Variants in DPP10 observed in about 807,000 individuals in gnomAD.
The protein encoded by DPP10 is inactive dipeptidyl peptidase 10.
Under a neutral mutation model 120.9 loss-of-function variants are expected in DPP10, and 33 were observed. The observed-to-expected ratio is 0.27, with a 90% CI of 0.21 to 0.37. The LOEUF is 0.37. Among genes scored for constraint, DPP10 ranks in the 10% least tolerant of loss-of-function variants. The probability of loss-of-function intolerance (pLI) is 1.00; values close to 1 mark genes in which losing one functional copy is unlikely to be tolerated. For missense variants in DPP10, 816 were observed against 942.8 expected, an observed-to-expected ratio of 0.87 and a Z score of 1.76; for synonymous variants, 337 against 326.1, an observed-to-expected ratio of 1.03 and a Z score of -0.36.
At chr2:115,030,988 G>T (rs1235897877) in intron 1 of DPP10, among the ~76,000 whole-genome samples, 1 of 152,018 alleles carries the variant, frequency 6.6e-6, no homozygotes, top group Non-Finnish European at 1.5e-5. Flanking sequence ...ACACAATTCT[G>T]GGAATTTCAT....
intron 3 of DPP10, among the ~76,000 whole-genome samples, chr2:115,464,687 G>A (rs1052804854): frequency 2.0e-5 from 3 of 152,128 alleles, no homozygotes; most frequent in Non-Finnish European, 4.4e-5. Context: ...CAGGGCAGAG[G>A]GCTTGGAGAG....
intron 1 of DPP10, among the ~76,000 whole-genome samples, chr2:114,840,824 T>C (rs1481815203): frequency 6.6e-6 from 1 of 152,180 alleles, no homozygotes; most frequent in African/African-American, 2.4e-5. Flanking sequence ...GACTGTGATT[T>C]TCCCTGAACC....
chr2:115,521,160 A>G (rs1340201130), intron 4 of DPP10, among the ~76,000 whole-genome samples: 2 of 152,192 alleles, frequency 1.3e-5, no homozygotes, highest in Admixed American at 6.5e-5. Flanking sequence ...GAACAAAGGT[A>G]CAAGAAAAAG....
chr2:115,079,224 C>T (rs1708053925), intron 1 of DPP10, among the ~76,000 whole-genome samples: 1 of 152,072 alleles, frequency 6.6e-6, no homozygotes, highest in Non-Finnish European at 1.5e-5. Flanking sequence ...ACTAAAAACA[C>T]AAAACATTAG....
intron 1 of DPP10, among the ~76,000 whole-genome samples, chr2:115,265,788 A>C (rs2059435110): frequency 6.6e-6 from 1 of 152,230 alleles, no homozygotes; most frequent in Non-Finnish European, 1.5e-5. Context: ...TGAAGTGTTT[A>C]GAAAAAGGGG....
intron 3 of DPP10, among the ~76,000 whole-genome samples, chr2:115,439,892 T>C (rs2071866803): frequency 6.6e-6 from 1 of 152,156 alleles, no homozygotes; most frequent in African/African-American, 2.4e-5. Flanking sequence ...TTTTAGACCA[T>C]ATTAAAAATT....
chr2:115,494,656 T>C (rs1367175544), intron 3 of DPP10, among the ~76,000 whole-genome samples: 1 of 152,172 alleles, frequency 6.6e-6, no homozygotes, highest in Admixed American at 6.6e-5. Context: ...TTTGAGCATT[T>C]CCTGTGATAG....
At chr2:115,524,604 A>G (rs1046878543) in intron 4 of DPP10, among the ~76,000 whole-genome samples, 1 of 152,062 alleles carries the variant, frequency 6.6e-6, no homozygotes, top group Non-Finnish European at 1.5e-5. Flanking sequence ...CTGAACTCTG[A>G]TCTCCAGCTC....
intron 1 of DPP10, among the ~76,000 whole-genome samples, chr2:114,740,484 G>A (rs1677933193): frequency 6.8e-6 from 1 of 146,446 alleles, no homozygotes; most frequent in South Asian, 2.2e-4. Context: ...TTGTGCACAT[G>A]TACCCTAAAA....
chr2:115,172,333 C>G (rs1002698329), intron 1 of DPP10, among the ~76,000 whole-genome samples: 2 of 149,944 alleles, frequency 1.3e-5, no homozygotes, highest in Non-Finnish European at 3.0e-5. Context: ...GCAGTGAGCC[C>G]AGATCGCGCC....
At chr2:115,372,836 T>C (rs2106408962) in intron 3 of DPP10, among the ~76,000 whole-genome samples, 1 of 152,336 alleles carries the variant, frequency 6.6e-6, no homozygotes, top group South Asian at 2.1e-4. Context: ...TGTACTGGAA[T>C]CTTAGCCTAG....
At chr2:115,140,588 C>T (rs2050877094) in intron 1 of DPP10, among the ~76,000 whole-genome samples, 1 of 152,150 alleles carries the variant, frequency 6.6e-6, no homozygotes, top group Admixed American at 6.5e-5. Flanking sequence ...AGAAGGAAGA[C>T]AACAACAAGC....
At chr2:115,207,818 A>T (rs1458999048) in intron 1 of DPP10, among the ~76,000 whole-genome samples, 1 of 152,140 alleles carries the variant, frequency 6.6e-6, no homozygotes, top group African/African-American at 2.4e-5. Context: ...CGAAGATCAG[A>T]TTTGTGTTCT....
chr2:115,804,878 A>G (rs1444420052), intron 19 of DPP10, among the ~76,000 whole-genome samples: 1 of 152,226 alleles, frequency 6.6e-6, no homozygotes, highest in Non-Finnish European at 1.5e-5. Context: ...CTCGGGGGTC[A>G]GGGACCCACT....
intron 1 of DPP10, among the ~76,000 whole-genome samples, chr2:115,206,280 C>T (rs962743854): frequency 1.3e-5 from 2 of 152,088 alleles, no homozygotes; most frequent in African/African-American, 2.4e-5. Flanking sequence ...ATGTACCATA[C>T]GCCTCCAGAA....
intron 1 of DPP10, among the ~76,000 whole-genome samples, chr2:114,561,336 G>C (rs1484932739): frequency 6.6e-6 from 1 of 152,056 alleles, no homozygotes; most frequent in Non-Finnish European, 1.5e-5. Flanking sequence ...CCTAGTCCTT[G>C]TCAAGTTTTA....
chr2:115,250,626 A>G (rs2058714201), intron 1 of DPP10, among the ~76,000 whole-genome samples: 1 of 152,140 alleles, frequency 6.6e-6, no homozygotes, highest in East Asian at 1.9e-4. Flanking sequence ...TTTCCAGAAA[A>G]AAAATAATAT....
intron 1 of DPP10, among the ~76,000 whole-genome samples, chr2:114,841,180 A>G (rs1464309688): frequency 1.3e-5 from 2 of 152,202 alleles, no homozygotes; most frequent in Non-Finnish European, 2.9e-5. Context: ...GGAAAAAGCA[A>G]TCTTTTCAAA....
chr2:114,889,495 T>G (rs1233695861), intron 1 of DPP10, among the ~76,000 whole-genome samples: 1 of 151,904 alleles, frequency 6.6e-6, no homozygotes, highest in East Asian at 1.9e-4. Flanking sequence ...TCACTTGGGC[T>G]TACCATTGTC....
Sources: allele counts gnomAD v4.1 joint callset (sites outside exome capture counted in the v4.1 genomes callset), GRCh38; gene constraint gnomAD v4.1.1; transcripts MANE v1.5; gene names NCBI Gene and HGNC (gene_info 2026-07-23, HGNC 2026-07-21).